The following SNRNP25 variants were observed in gnomAD, a reference collection of about 807,000 sequenced individuals.
SNRNP25 encodes U11/U12 small nuclear ribonucleoprotein 25 kDa protein.
SNRNP25 carries 21 observed loss-of-function variants against 23.9 expected under a neutral mutation model. The ratio of observed to expected loss-of-function variants is 0.88; its 90% CI spans 0.62 to 1.27. SNRNP25 has a LOEUF of 1.27. SNRNP25 is among the 50% of genes most tolerant of loss of function. SNRNP25 has a pLI of 0.00. For synonymous variants in SNRNP25, 63 were observed against 60.4 expected, an observed-to-expected ratio of 1.04 and a Z score of -0.20; for missense variants, 160 against 156.9, an observed-to-expected ratio of 1.02 and a Z score of -0.11.
At chr16:55,990 C>T (rs769044602) in intron 3 of SNRNP25, 108 bp downstream of exon 3, 1 of 960,916 alleles carries the variant, frequency 1.0e-6, no homozygotes, top group Non-Finnish European at 1.6e-6. Flanking sequence ...TGCATGAGTA[C>T]AGCACCACTG....
chr16:53,885 G>A lies in SNRNP25; in HGVS notation c.-132G>A, dbSNP rs1027502512. On this transcript the variant is annotated 5_prime_UTR_variant, in exon 1 of 5. Transcript: ENST00000293861. ...AGTGCGGGCTGGCAGTGCGGGCAGA[G>A]CCCGGCTGAGAGGGGCGGCCCTGGA... 8 of 1,499,542 alleles carry A rather than the reference G, an allele frequency of 5.3e-6. No homozygotes were observed. The East Asian group carries it at 2.0e-4, about 37-fold the overall frequency. 92.9% of individuals were successfully genotyped at this position (1,499,542 alleles called of 1,614,324 possible).
chr16:56,742 GC>G, intron 4 of SNRNP25, 129 bp downstream of exon 4: 1 of 995,932 alleles, frequency 1.0e-6, no homozygotes, highest in Non-Finnish European at 1.5e-6. Flanking sequence ...CTTCCTTGGG[GC>G]CCTCCCCACT....
In SNRNP25 at chr16:55,770, G is replaced by A. The variant is rs775699327; in HGVS notation, c.134-7G>A. On this transcript the variant is annotated splice_polypyrimidine_tract_variant and splice_region_variant and intron_variant, in intron 2 of 4. Coordinates refer to ENST00000293861, the MANE Select transcript of SNRNP25 (RefSeq NM_024571.4). ...GGATCTTCTCCCATCTGTGTCCGTGGTTGCAGCCGTGGTTGTAGTGCAGAG... is the reference window on the plus strand; with the variant it reads ...GGATCTTCTCCCATCTGTGTCCGTGATTGCAGCCGTGGTTGTAGTGCAGAG... The A allele has an allele frequency of 1.9e-6, 3 of 1,613,914 alleles. No individual in the cohort carries two copies. Among genetic ancestry groups the A allele is most frequent in the Non-Finnish European group, 1.7e-6 (2 of 1,179,874 alleles).
At chr16:56,379 G>C (rs1377282377) in intron 3 of SNRNP25, 160 bp from the exon 4 acceptor site, 18 of 756,850 alleles carry the variant, frequency 2.4e-5, no homozygotes, top group Admixed American at 4.0e-5. Context: ...CCTCCTTGTA[G>C]CTGCCTCAGA....
At chr16:56,731 G>A (rs2141838539) in intron 4 of SNRNP25, 118 bp downstream of exon 4, 1 of 1,099,192 alleles carries the variant, frequency 9.1e-7, no homozygotes, top group East Asian at 2.4e-5. Flanking sequence ...CCTCCAAGGA[G>A]CTTCCTTGGG....
rs748134565 is a variant in SNRNP25 at position 55,457 on chromosome 16, AG to A, written c.43del. On this transcript the variant is annotated splice_acceptor_variant, in intron 1 of 4. Transcript: ENST00000293861. LOFTEE classifies it high-confidence loss of function. ...CCCACTTCTGCCCTTGGTCTTTTGT[AG>A]GTTACTCTGGAAGAAGTCAACTCCC... 5.6e-6 allele frequency: 9 copies of A among 1,614,018 alleles called. No individual in the cohort carries two copies. The East Asian group carries it at 2.0e-4, about 36-fold the overall frequency.
At chr16:56,809 C>A (rs1158612708) in intron 4 of SNRNP25, among the ~76,000 whole-genome samples, 196 bp downstream of exon 4, 1 of 152,232 alleles carries the variant, frequency 6.6e-6, no homozygotes, top group East Asian at 1.9e-4. Context: ...CCACCAGTGG[C>A]AGCTTAGGGC....
At chr16:56,352 GC>G (rs1294255870) in intron 3 of SNRNP25, 186 bp from the exon 4 acceptor site, 1 of 723,390 alleles carries the variant, frequency 1.4e-6, no homozygotes, top group Non-Finnish European at 2.6e-6. Context: ...GCCCCAGACA[GC>G]CCTCTGAGAA....
At position 53,904 on chromosome 16, in the gene SNRNP25, C is replaced by T; in HGVS notation, c.-113C>T. On this transcript the variant is annotated 5_prime_UTR_variant, in exon 1 of 5. Transcript: ENST00000293861. ...GGCAGAGCCCGGCTGAGAGGGGCGGCCCTGGAGGAGACGGAGGCCGCGGGT... is the reference window on the plus strand; with the variant it reads ...GGCAGAGCCCGGCTGAGAGGGGCGGTCCTGGAGGAGACGGAGGCCGCGGGT... The T allele has an allele frequency of 2.0e-6, 3 of 1,518,242 alleles. No individual in the cohort carries two copies. The highest frequency in any genetic ancestry group is 2.0e-5 in the Admixed American group (1 of 51,012). 94.0% of individuals were successfully genotyped at this position (1,518,242 alleles called of 1,614,324 possible).
intron 1 of SNRNP25, chr16:55,217 C>G (rs1897391028): frequency 2.2e-6 from 1 of 456,516 alleles, no homozygotes; most frequent in African/African-American, 2.0e-5. Flanking sequence ...AGTTTATTCT[C>G]TTGCCTGTTT....
In SNRNP25 at chr16:54,003, A is replaced by G. The variant is rs1472244535; in HGVS notation, c.-14A>G. The G allele has an allele frequency of 6.2e-7, 1 of 1,610,146 alleles. No individual in the cohort carries two copies. ...CACTCCGAGGCCATGGACGTGTTCC[A>G]GGAGGGTCTGGCTATGGTGGTGCAG... On this transcript the variant is annotated 5_prime_UTR_variant, in exon 1 of 5. Coordinates refer to ENST00000293861, the MANE Select transcript of SNRNP25 (RefSeq NM_024571.4).
chr16:55,288 A>G (rs1024703783), intron 1 of SNRNP25, 171 bp from the exon 2 acceptor site: 1 of 606,832 alleles, frequency 1.6e-6, no homozygotes, highest in Non-Finnish European at 3.0e-6. Flanking sequence ...TGAGTGGAAC[A>G]TGAGATTGGG....
intron 3 of SNRNP25, 131 bp from the exon 4 acceptor site, chr16:56,408 C>A: frequency 2.4e-6 from 2 of 841,426 alleles, no homozygotes; most frequent in East Asian, 2.5e-5. Flanking sequence ...GCACATTGTA[C>A]AGAACAGCCC....
chr16:54,107 G>C (rs1897377211), intron 1 of SNRNP25, 49 bp downstream of exon 1: 5 of 1,558,724 alleles, frequency 3.2e-6, no homozygotes, highest in Non-Finnish European at 4.3e-6. Flanking sequence ...CCCGGGGTCC[G>C]GGCATCCGGG....
Position 57,336 on chromosome 16 carries a change from C to T in SNRNP25, c.*193C>T, listed in dbSNP as rs1897427039. The T allele has an allele frequency of 1.6e-6, 1 of 620,044 alleles. No individual in the cohort carries two copies. Among genetic ancestry groups the T allele is most frequent in the African/African-American group, 1.8e-5 (1 of 54,236 alleles). The allele number at this position is 620,044 out of a possible 1,614,324, so 38.4% of individuals were successfully genotyped here. ...GGACAGGGTGAGCCAGTGCTCCCTCCTTTCATGTACTTGGCCTGAGACTGA... is the reference window on the plus strand; with the variant it reads ...GGACAGGGTGAGCCAGTGCTCCCTCTTTTCATGTACTTGGCCTGAGACTGA... On this transcript the variant is annotated 3_prime_UTR_variant, in exon 5 of 5. Coordinates refer to ENST00000293861, the MANE Select transcript of SNRNP25 (RefSeq NM_024571.4).
chr16:54,617 A>G (rs1481247882), intron 1 of SNRNP25, among the ~76,000 whole-genome samples: 1 of 152,164 alleles, frequency 6.6e-6, no homozygotes, highest in Non-Finnish European at 1.5e-5. Context: ...TTAGTTTTAA[A>G]TAAGAGCAAG....
intron 4 of SNRNP25, 115 bp from the exon 5 acceptor site, chr16:56,971 G>A: frequency 1.7e-6 from 2 of 1,203,364 alleles, no homozygotes; most frequent in Non-Finnish European, 2.4e-6. Flanking sequence ...GGCCTTCCCA[G>A]AAGCCACACG....
chr16:53,895 G>C lies in SNRNP25; in HGVS notation c.-122G>C, dbSNP rs543669928. On this transcript the variant is annotated 5_prime_UTR_variant, in exon 1 of 5. Coordinates refer to ENST00000293861, the MANE Select transcript of SNRNP25 (RefSeq NM_024571.4). Reference sequence around the variant, plus strand: ...GGCAGTGCGGGCAGAGCCCGGCTGAGAGGGGCGGCCCTGGAGGAGACGGAG... The same window carrying C: ...GGCAGTGCGGGCAGAGCCCGGCTGACAGGGGCGGCCCTGGAGGAGACGGAG... 9 of 1,510,500 alleles carry C rather than the reference G, an allele frequency of 6.0e-6. No individual in the cohort carries two copies. Among genetic ancestry groups the C allele is most frequent in the Non-Finnish European group, 8.1e-6 (9 of 1,115,630 alleles). 93.6% of individuals were successfully genotyped at this position (1,510,500 alleles called of 1,614,324 possible). A position where few individuals can be genotyped will look rare whatever the true frequency, so the allele number is the denominator to read the frequency against.
At position 57,240 on chromosome 16, in the gene SNRNP25, CGTT is replaced by C; in HGVS notation, c.*100_*102del. 1 of 1,351,466 alleles carries C rather than the reference CGTT, an allele frequency of 7.4e-7. No individual in the cohort carries two copies. The highest frequency in any genetic ancestry group is 1.1e-6 in the Non-Finnish European group (1 of 944,916). The allele number at this position is 1,351,466 out of a possible 1,614,324, so 83.7% of individuals were successfully genotyped here. ...CATCGTGCCTCTTTCACAGAAAGGA[CGTT>C]GTGGTGGCCTCACCCCAGGCATGCC... is the stretch of plus-strand genomic sequence containing the variant. On this transcript the variant is annotated 3_prime_UTR_variant, in exon 5 of 5. Transcript: ENST00000293861.
Sources: gnomAD v4.1 joint callset for allele counts (sites outside exome capture counted in the v4.1 genomes callset) on GRCh38, gnomAD v4.1.1 for gene constraint, MANE v1.5 for transcripts, NCBI Gene and HGNC (gene_info 2026-07-23, HGNC 2026-07-21) for gene names.